SMPD3: variants seen among roughly 807,000 people sequenced by gnomAD.
SMPD3 encodes nSMase-2.
Under a neutral mutation model 55.7 loss-of-function variants are expected in SMPD3, and 21 were observed. That is an observed-to-expected ratio of 0.38 (90% CI 0.27 to 0.54). SMPD3 has a LOEUF of 0.54. Among genes scored for constraint, SMPD3 ranks in the 20% least tolerant of loss-of-function variants. The pLI is 0.80. For synonymous variants in SMPD3, 457 were observed against 404.3 expected, an observed-to-expected ratio of 1.13 and a Z score of -1.56; for missense variants, 842 against 899.6, an observed-to-expected ratio of 0.94 and a Z score of 0.82.
intron 1 of SMPD3, among the ~76,000 whole-genome samples, chr16:68,428,322 T>C (rs1304136995): frequency 6.6e-6 from 1 of 152,234 alleles, no homozygotes; most frequent in Non-Finnish European, 1.5e-5. Context: ...CCTTGACTAG[T>C]GTGCCAGAGG....
intron 1 of SMPD3, among the ~76,000 whole-genome samples, chr16:68,416,361 C>T (rs775443528): frequency 4.6e-5 from 7 of 152,146 alleles, no homozygotes; most frequent in African/African-American, 1.7e-4. Flanking sequence ...CTGGGGCCTC[C>T]GACCCTGAGT....
chr16:68,397,459 C>T (rs560789067), intron 1 of SMPD3, among the ~76,000 whole-genome samples: 73 of 152,318 alleles, frequency 4.8e-4, no homozygotes, highest in African/African-American at 1.6e-3. Context: ...GGGAACACCC[C>T]GGTCAAGCCC....
Position 68,371,679 on chromosome 16 carries a change from T to G in SMPD3, c.503A>C (p.Lys168Thr). The change falls in exon 3 of 9, where the codon AAA becomes ACA. Residue 168 changes from lysine to threonine, a missense_variant. By Grantham distance (78) the Lys-to-Thr change is moderately conservative. Around this residue, in one of 2 missense-constraint regions of SMPD3, gnomAD observed 193 missense variants for 256.0 expected, o/e 0.75. Coordinates refer to ENST00000219334, the MANE Select transcript of SMPD3 (RefSeq NM_018667.4). ...IRNGAARPQI[K>T]IYIDSPTNTS... ...ATTGGTGGGGGAGTCGATGTAAATT[T>G]TGATCTGGGGCCGGGCGGCCCCATT... The G allele has an allele frequency of 6.4e-7, 1 of 1,568,474 alleles. No individual in the cohort carries two copies. The highest frequency in any genetic ancestry group is 1.2e-5 in the South Asian group (1 of 84,002).
intron 1 of SMPD3, among the ~76,000 whole-genome samples, chr16:68,448,082 G>A (rs938136845): frequency 2.0e-5 from 3 of 152,138 alleles, no homozygotes; most frequent in Admixed American, 2.0e-4. Flanking sequence ...GAGGGTCCAA[G>A]CCTCCTCGCT....
rs571305390 is a variant in SMPD3 at position 68,364,314 on chromosome 16, G to C, written c.1555+437C>G. ...TCACTGCCTGGCTATGTGACCTTGG[G>C]CTGGTTCTCCAGCCTCTCTGAGTCT... On this transcript the variant is annotated intron_variant, in intron 5 of 8. Coordinates refer to ENST00000219334, the MANE Select transcript of SMPD3 (RefSeq NM_018667.4). 129 of 223,930 alleles carry C rather than the reference G, an allele frequency of 5.8e-4. 1 individual carries two copies. The Middle Eastern group carries it at 0.017, about 30-fold the overall frequency. The allele number at this position is 223,930 out of a possible 1,614,324, so 13.9% of individuals were successfully genotyped here. A position where few individuals can be genotyped will look rare whatever the true frequency, so the allele number is the denominator to read the frequency against.
Position 68,447,145 on chromosome 16 carries a change from C to T in SMPD3, c.-269+1208G>A, listed in dbSNP as rs2090616529. ...CGCAGGCCTGCCAGTGCGGCGACCG[C>T]CGCTTTGTCCTCTCGAGGATGCCTG... On this transcript the variant is annotated intron_variant, in intron 1 of 8. Transcript: ENST00000219334. The surrounding 1 kb of genome is among the most constrained non-coding windows in gnomAD (Gnocchi z 5.1). Among the ~76,000 whole-genome samples, 1 of 152,074 alleles carries T rather than the reference C, an allele frequency of 6.6e-6. No homozygotes were observed. The highest frequency in any genetic ancestry group is 1.5e-5 in the Non-Finnish European group (1 of 67,988).
At chr16:68,417,120 C>A (rs1204485971) in intron 1 of SMPD3, among the ~76,000 whole-genome samples, 1 of 152,146 alleles carries the variant, frequency 6.6e-6, no homozygotes, top group African/African-American at 2.4e-5. Context: ...AAAATTAAGC[C>A]CTTTCTGAAT....
In SMPD3 at chr16:68,358,556, C is replaced by T. The variant is rs942616359; in HGVS notation, c.*2650G>A. 1.3e-5 allele frequency: 2 copies of T among 152,562 alleles called. No individual in the cohort carries two copies. Among genetic ancestry groups the T allele is most frequent in the African/African-American group, 4.8e-5 (2 of 41,434 alleles). The allele number at this position is 152,562 out of a possible 1,614,324, so 9.5% of individuals were successfully genotyped here. A position where few individuals can be genotyped will look rare whatever the true frequency, so the allele number is the denominator to read the frequency against. ...TGAAGATACAATACAGAAAAAAATA[C>T]AGAAATTAAAAAAGTTTTTATAACA... On this transcript the variant is annotated 3_prime_UTR_variant, in exon 9 of 9. Coordinates refer to ENST00000219334, the MANE Select transcript of SMPD3 (RefSeq NM_018667.4).
Position 68,364,848 on chromosome 16 carries a change from G to T in SMPD3, c.1458C>A (p.Phe486Leu), listed in dbSNP as rs1260291628. Residue 486 changes from phenylalanine (F) to leucine (L), a missense_variant, in exon 5 of 9, where the codon TTC (phenylalanine) becomes TTA (leucine). This residue lies in a region of SMPD3 where 649 missense variants were observed against 643.6 expected (regional missense o/e 1.01). Transcript: ENST00000219334. ...LDLLQDWLAD[F>L]RKSTSSSSAA... is the part of the protein sequence containing the mutation. ...CGCTGGACGAGGAGGTAGATTTTCG[G>T]AAATCAGCCAGCCAGTCCTGAAGCA... 1 of 1,613,840 alleles carries T rather than the reference G, an allele frequency of 6.2e-7. No individual in the cohort carries two copies. The highest frequency in any genetic ancestry group is 8.5e-7 in the Non-Finnish European group (1 of 1,180,008).
At chr16:68,420,119 C>T (rs540811650) in intron 1 of SMPD3, among the ~76,000 whole-genome samples, 49 of 152,008 alleles carry the variant, frequency 3.2e-4, no homozygotes, top group Non-Finnish European at 6.8e-4. Flanking sequence ...GTAGCTGAGA[C>T]CACAGGCATG....
At chr16:68,364,463 T>G in intron 5 of SMPD3, 1 of 378,314 alleles carries the variant, frequency 2.6e-6, no homozygotes, top group Non-Finnish European at 4.7e-6. Flanking sequence ...GCCCCGTTGA[T>G]GGGTGTTACT....
intron 2 of SMPD3, among the ~76,000 whole-genome samples, chr16:68,381,574 A>G (rs2089952301): frequency 2.0e-5 from 3 of 152,144 alleles, no homozygotes; most frequent in Admixed American, 2.0e-4. Flanking sequence ...TGTGAGTGAA[A>G]GTGATCTCGG....
chr16:68,434,852 TG>T (rs1404998742), intron 1 of SMPD3, among the ~76,000 whole-genome samples: 1 of 152,194 alleles, frequency 6.6e-6, no homozygotes, highest in Non-Finnish European at 1.5e-5. Context: ...TCTCCTTTGG[TG>T]GAGGCGACAT....
intron 1 of SMPD3, among the ~76,000 whole-genome samples, chr16:68,398,953 C>T (rs2090183575): frequency 6.6e-6 from 1 of 152,168 alleles, no homozygotes; most frequent in Non-Finnish European, 1.5e-5. Context: ...GACATCGTGG[C>T]CAGGAGCTCT....
At chr16:68,382,193 C>T (rs1430841017) in intron 2 of SMPD3, 3 of 152,244 alleles carry the variant, frequency 2.0e-5, no homozygotes, top group African/African-American at 7.2e-5. Context: ...GTAAATCCAC[C>T]GGAAACCTCT....
intron 1 of SMPD3, among the ~76,000 whole-genome samples, chr16:68,442,399 G>A (rs567915347): frequency 2.6e-5 from 4 of 152,222 alleles, no homozygotes; most frequent in East Asian, 1.9e-4. Context: ...TCCTTGTTCC[G>A]TTCAAGATTT....
Position 68,371,380 on chromosome 16 carries a change from T to C in SMPD3, c.802A>G (p.Arg268Gly), listed in dbSNP as rs746381835. The change falls in exon 3 of 9, where the codon AGG becomes GGG. Residue 268 changes from arginine to glycine, a missense_variant. By Grantham distance (125) the Arg-to-Gly change is moderately radical (BLOSUM62 -2). This residue lies in a region of SMPD3 where 649 missense variants were observed against 643.6 expected (regional missense o/e 1.01). Transcript: ENST00000219334. Reference protein sequence around the residue: ...ADDPVPGGQARNGAGGGPRGQ... With the variant: ...ADDPVPGGQAGNGAGGGPRGQ... ...CTTGGGCCCCCGCCAGCTCCGTTCCTGGCCTGGCCCCCAGGCACAGGGTCG... is the reference window on the plus strand; with the variant it reads ...CTTGGGCCCCCGCCAGCTCCGTTCCCGGCCTGGCCCCCAGGCACAGGGTCG... 1 of 1,569,182 alleles carries C rather than the reference T, an allele frequency of 6.4e-7. No individual in the cohort carries two copies. Among genetic ancestry groups the C allele is most frequent in the Non-Finnish European group, 8.6e-7 (1 of 1,167,032 alleles).
chr16:68,362,445 A>T (rs142035463), intron 7 of SMPD3, among the ~76,000 whole-genome samples: 195 of 152,330 alleles, frequency 1.3e-3, no homozygotes, highest in Non-Finnish European at 2.3e-3. Flanking sequence ...CCCTGAGACA[A>T]GCAGTATGCC....
chr16:68,435,852 C>T (rs2090519344), intron 1 of SMPD3, among the ~76,000 whole-genome samples: 1 of 152,336 alleles, frequency 6.6e-6, no homozygotes, highest in African/African-American at 2.4e-5. Flanking sequence ...GCCAGCCTGG[C>T]TACTGGGGAG....
Sources: allele counts gnomAD v4.1 joint callset (sites outside exome capture counted in the v4.1 genomes callset), GRCh38; gene constraint gnomAD v4.1.1; regional missense constraint gnomAD v4.1.1; non-coding constraint Gnocchi (gnomAD v3.1); transcripts MANE v1.5; gene names NCBI Gene and HGNC (gene_info 2026-07-23, HGNC 2026-07-21).